Variants in TRIM9 observed in about 807,000 individuals in gnomAD.
TRIM9 encodes the protein tripartite motif containing 9, also known as E3 ubiquitin-protein ligase TRIM9.
In TRIM9, 26 loss-of-function variants were observed where a neutral mutation model predicts 78.3. That is an observed-to-expected ratio of 0.33 (90% confidence interval 0.24 to 0.46). TRIM9 has a LOEUF of 0.46. TRIM9 is among the 20% of genes least tolerant of loss of function. The pLI is 1.00. For synonymous variants in TRIM9, 398 were observed against 416.5 expected (o/e 0.96, Z 0.54); for missense variants, 787 against 1,036.4 (o/e 0.76, Z 3.30).
chr14:51,043,502 T>G (rs555884347), intron 1 of TRIM9, among the ~76,000 whole-genome samples: 13 of 152,382 alleles, frequency 8.5e-5, no homozygotes, highest in Non-Finnish European at 1.0e-4. Context: ...CAGTTCTATC[T>G]ACAGCCTATC....
At chr14:51,070,896 T>C (rs1566635605) in intron 1 of TRIM9, among the ~76,000 whole-genome samples, 1 of 152,182 alleles carries the variant, frequency 6.6e-6, no homozygotes, top group Non-Finnish European at 1.5e-5. Flanking sequence ...AGACGTTTTC[T>C]TTCTTTCTTT....
intron 7 of TRIM9, among the ~76,000 whole-genome samples, chr14:50,992,581 AAATGAATG>A (rs66985758): frequency 2.6e-5 from 4 of 151,154 alleles, no homozygotes; most frequent in African/African-American, 4.9e-5. Flanking sequence ...CTGGAAAGAT[AAATGAATG>A]AATGAATGAA....
At chr14:50,981,425 G>T (rs1198912139) in intron 11 of TRIM9, among the ~76,000 whole-genome samples, 1 of 152,148 alleles carries the variant, frequency 6.6e-6, no homozygotes, top group Non-Finnish European at 1.5e-5. Flanking sequence ...GTACTAATTT[G>T]ATGGATTTGG....
At chr14:51,059,613 T>C (rs371876907) in intron 1 of TRIM9, among the ~76,000 whole-genome samples, 3 of 151,792 alleles carry the variant, frequency 2.0e-5, no homozygotes, top group Admixed American at 1.3e-4. Flanking sequence ...GCCTGACCAA[T>C]AGGGTGAAAC....
At chr14:51,031,176 A>AAAAGAAAG (rs373786798) in intron 1 of TRIM9, among the ~76,000 whole-genome samples, 1 of 150,664 alleles carries the variant, frequency 6.6e-6, no homozygotes, top group Non-Finnish European at 1.5e-5. Flanking sequence ...GAAAGAAAAG[A>AAAAGAAAG]AAAGAAAGAA....
intron 5 of TRIM9, among the ~76,000 whole-genome samples, chr14:51,003,676 T>G (rs1236442527): frequency 6.6e-6 from 1 of 152,018 alleles, no homozygotes; most frequent in Non-Finnish European, 1.5e-5. Flanking sequence ...CTCAATAATC[T>G]TCAGATCTTG....
At chr14:50,988,880 A>T (rs1037749765) in intron 7 of TRIM9, among the ~76,000 whole-genome samples, 1 of 152,110 alleles carries the variant, frequency 6.6e-6, no homozygotes, top group Non-Finnish European at 1.5e-5. Flanking sequence ...GAGGGAAGAA[A>T]CTTAATATCA....
intron 1 of TRIM9, among the ~76,000 whole-genome samples, chr14:51,086,650 T>C (rs2063779642): frequency 6.6e-6 from 1 of 152,148 alleles, no homozygotes; most frequent in Non-Finnish European, 1.5e-5. Context: ...GAAGCAATTA[T>C]AATACAGTGG....
At chr14:51,013,910 T>A (rs555734882) in intron 3 of TRIM9, among the ~76,000 whole-genome samples, 7 of 152,284 alleles carry the variant, frequency 4.6e-5, no homozygotes, top group African/African-American at 1.4e-4. Flanking sequence ...TGAACTAACT[T>A]GTTTCCAGGA....
chr14:51,082,249 A>C (rs1275747840), intron 1 of TRIM9, among the ~76,000 whole-genome samples: 1 of 152,208 alleles, frequency 6.6e-6, no homozygotes, highest in Non-Finnish European at 1.5e-5. Context: ...ATTTTTTACT[A>C]TATCATGATA....
At chr14:50,993,839 C>T (rs1359253890) in intron 7 of TRIM9, among the ~76,000 whole-genome samples, 3 of 152,142 alleles carry the variant, frequency 2.0e-5, no homozygotes, top group African/African-American at 7.2e-5. Flanking sequence ...GGCTTAAAGT[C>T]CTGGATCTGA....
rs17123325 is a variant in TRIM9 at position 50,980,304 on chromosome 14, T to C, written c.2163-755A>G. ...TGCCATTTTACAAAGAATTGTGTCTTATGCTTCAATTGATGGTTTCACAAA... is the reference window on the plus strand; with the variant it reads ...TGCCATTTTACAAAGAATTGTGTCTCATGCTTCAATTGATGGTTTCACAAA... On this transcript the variant is annotated intron_variant, in intron 11 of 12. Transcript: ENST00000684578. Among the ~76,000 whole-genome samples, 494 of 152,374 alleles carry C rather than the reference T, an allele frequency of 3.2e-3. 5 individuals carry two copies. In the South Asian group the frequency reaches 0.041, roughly 13 times the overall value.
At chr14:50,980,715 A>C (rs970339115) in intron 11 of TRIM9, among the ~76,000 whole-genome samples, 2 of 152,220 alleles carry the variant, frequency 1.3e-5, no homozygotes, top group Admixed American at 1.3e-4. Context: ...AGTTCCACAA[A>C]ATGCCGATCA....
intron 1 of TRIM9, among the ~76,000 whole-genome samples, chr14:51,074,094 G>A (rs1310042914): frequency 6.6e-6 from 1 of 152,062 alleles, no homozygotes; most frequent in Non-Finnish European, 1.5e-5. Flanking sequence ...TAATAGTAAT[G>A]ATCATAACAA....
chr14:51,092,911 T>C (rs2064509562), intron 1 of TRIM9, among the ~76,000 whole-genome samples: 2 of 152,102 alleles, frequency 1.3e-5, no homozygotes, highest in South Asian at 2.1e-4. Flanking sequence ...GCTGCAAAGA[T>C]GATACCTGAG....
chr14:51,056,551 G>A (rs1241054578), intron 1 of TRIM9, among the ~76,000 whole-genome samples: 6 of 152,164 alleles, frequency 3.9e-5, no homozygotes, highest in African/African-American at 1.4e-4. Context: ...AGGCAGTTTG[G>A]AAATGTCACT....
intron 3 of TRIM9, among the ~76,000 whole-genome samples, chr14:51,020,637 G>A (rs1331841471): frequency 1.3e-5 from 2 of 152,236 alleles, no homozygotes; most frequent in African/African-American, 2.4e-5. Context: ...GCATCCCAGC[G>A]ATGCGTGAAA....
At chr14:51,032,741 AG>A (rs2058839701) in intron 1 of TRIM9, among the ~76,000 whole-genome samples, 1 of 152,248 alleles carries the variant, frequency 6.6e-6, no homozygotes, top group Non-Finnish European at 1.5e-5. Flanking sequence ...GGGGATAATA[AG>A]AACCTACATC....
At chr14:51,064,642 A>G (rs932102321) in intron 1 of TRIM9, among the ~76,000 whole-genome samples, 16 of 151,982 alleles carry the variant, frequency 1.1e-4, no homozygotes, top group Non-Finnish European at 2.1e-4. Context: ...TACACAAACT[A>G]CTGACAACAA....
Sources: allele counts gnomAD v4.1 joint callset (sites outside exome capture counted in the v4.1 genomes callset), GRCh38; gene constraint gnomAD v4.1.1; transcripts MANE v1.5; gene names NCBI Gene and HGNC (gene_info 2026-07-23, HGNC 2026-07-21).